EPS8: variants seen among roughly 807,000 people sequenced by gnomAD.
EPS8 encodes the protein EGFR pathway substrate 8, signaling adaptor, also known as epidermal growth factor receptor kinase substrate 8.
EPS8 carries 42 observed loss-of-function variants against 103.8 expected under a neutral mutation model. The observed-to-expected ratio is 0.40, with a 90% CI of 0.32 to 0.52. The LOEUF is 0.52. Among genes scored for constraint, EPS8 ranks in the 20% least tolerant of loss-of-function variants. The pLI is 0.40. For missense variants in EPS8, 969 were observed against 1,005.1 expected (o/e 0.96, Z 0.49); for synonymous variants, 344 against 344.6 (o/e 1.00, Z 0.02).
rs913295966 is a variant in EPS8 at position 15,700,145 on chromosome 12, A to G, written c.-21-17173T>C. Among the ~76,000 whole-genome samples, 5 of 152,054 alleles carry G rather than the reference A, an allele frequency of 3.3e-5. No individual in the cohort carries two copies. Among genetic ancestry groups the G allele is most frequent in the African/African-American group, 1.2e-4 (5 of 41,392 alleles). On this transcript the variant is annotated intron_variant, in intron 1 of 20. Transcript: ENST00000281172. This position sits in a 1 kb window ranked among gnomAD's most constrained non-coding sequence, Gnocchi z 5.1. ...ACTGCAGCCTGGGGGACAGAATGAG[A>G]CTCCATCTCAAAAACAACAACAACA...
intron 12 of EPS8, among the ~76,000 whole-genome samples, chr12:15,655,077 A>G (rs1235412044): frequency 2.6e-5 from 4 of 152,134 alleles, no homozygotes; most frequent in African/African-American, 9.7e-5. Flanking sequence ...ACAAGAAGAT[A>G]GGAGATTTTT....
Position 15,704,925 on chromosome 12 carries a change from A to G in EPS8, c.-21-21953T>C, listed in dbSNP as rs117594372. 6.6e-6 allele frequency among the ~76,000 whole-genome samples: 1 copy of G among 152,134 alleles called. No homozygotes were observed. The highest frequency in any genetic ancestry group is 1.5e-5 in the Non-Finnish European group (1 of 68,024). On this transcript the variant is annotated intron_variant, in intron 1 of 20. Transcript: ENST00000281172. This position sits in a 1 kb window ranked among gnomAD's most constrained non-coding sequence, Gnocchi z 4.6. ...GCGTGCGCATGCACACACACACACA[A>G]AAAACTGTCCTTAAAATCCTGTGTG... is the stretch of plus-strand genomic sequence containing the variant.
At chr12:15,670,190 C>T (rs1247507877) in intron 4 of EPS8, among the ~76,000 whole-genome samples, 1 of 152,098 alleles carries the variant, frequency 6.6e-6, no homozygotes, top group African/African-American at 2.4e-5. Context: ...AACATAGCAG[C>T]ATTTAAACAG....
At chr12:15,711,014 C>A (rs1177145082) in intron 1 of EPS8, among the ~76,000 whole-genome samples, 1 of 151,510 alleles carries the variant, frequency 6.6e-6, no homozygotes, top group Non-Finnish European at 1.5e-5. Context: ...GGACTACAGG[C>A]ATGCACCACC....
In EPS8 at chr12:15,779,851, A is replaced by T. The variant is rs1295427359; in HGVS notation, c.-22+9310T>A. On this transcript the variant is annotated intron_variant, in intron 1 of 20. Coordinates refer to ENST00000281172, the MANE Select transcript of EPS8 (RefSeq NM_004447.6). The surrounding 1 kb of genome is among the most constrained non-coding windows in gnomAD (Gnocchi z 4.3). Reference sequence around the variant, plus strand: ...GTTATTTTTTAGTACATTCCTAAATAGTATGTTTCAGGTTCTGTTCAGAAA... The same window carrying T: ...GTTATTTTTTAGTACATTCCTAAATTGTATGTTTCAGGTTCTGTTCAGAAA... 6.6e-6 allele frequency among the ~76,000 whole-genome samples: 1 copy of T among 152,196 alleles called. No individual in the cohort carries two copies. Among genetic ancestry groups the T allele is most frequent in the Non-Finnish European group, 1.5e-5 (1 of 68,028 alleles).
At chr12:15,740,838 A>T (rs1265232494) in intron 1 of EPS8, among the ~76,000 whole-genome samples, 1 of 152,240 alleles carries the variant, frequency 6.6e-6, no homozygotes, top group Non-Finnish European at 1.5e-5. Context: ...AATTAAGAGA[A>T]ATGTGGCTAA....
At chr12:15,633,577 G>C (rs929860948) in intron 17 of EPS8, among the ~76,000 whole-genome samples, 15 of 152,122 alleles carry the variant, frequency 9.9e-5, no homozygotes, top group African/African-American at 3.4e-4. Context: ...CAAATGTTCT[G>C]TGCTTTATTT....
At position 15,700,131 on chromosome 12, in the gene EPS8, G is replaced by A. The variant is rs367912864; in HGVS notation, c.-21-17159C>T. Among the ~76,000 whole-genome samples the A allele has an allele frequency of 2.0e-5, 3 of 152,272 alleles. No individual in the cohort carries two copies. The East Asian group carries it at 5.8e-4, about 29-fold the overall frequency. On this transcript the variant is annotated intron_variant, in intron 1 of 20. Transcript: ENST00000281172. This position sits in a 1 kb window ranked among gnomAD's most constrained non-coding sequence, Gnocchi z 5.1. Reference sequence around the variant, plus strand: ...GATCATGCCTCTGCACTGCAGCCTGGGGGACAGAATGAGACTCCATCTCAA... The same window carrying A: ...GATCATGCCTCTGCACTGCAGCCTGAGGGACAGAATGAGACTCCATCTCAA...
intron 2 of EPS8, 48 bp downstream of exon 2, chr12:15,682,845 C>T: frequency 2.0e-6 from 2 of 1,007,160 alleles, no homozygotes; most frequent in Non-Finnish European, 3.1e-6. Flanking sequence ...TTAAAATCAC[C>T]AAATCAAATT....
At position 15,690,524 on chromosome 12, in the gene EPS8, T is replaced by C. The variant is rs1018337981; in HGVS notation, c.-21-7552A>G. 1.3e-5 allele frequency among the ~76,000 whole-genome samples: 2 copies of C among 152,222 alleles called. No individual in the cohort carries two copies. The highest frequency in any genetic ancestry group is 6.5e-5 in the Admixed American group (1 of 15,274). ...CCATAATATTCTAACATTGATTGTT[T>C]TGATAAGGGAACACAGAGGTATTAT... On this transcript the variant is annotated intron_variant, in intron 1 of 20. Coordinates refer to ENST00000281172, the MANE Select transcript of EPS8 (RefSeq NM_004447.6). The surrounding 1 kb of genome is among the most constrained non-coding windows in gnomAD (Gnocchi z 4.7).
chr12:15,660,796 G>A (rs1388996260), intron 9 of EPS8, 56 bp from the exon 10 acceptor site: 6 of 1,038,300 alleles, frequency 5.8e-6, no homozygotes, highest in Non-Finnish European at 8.6e-6. Flanking sequence ...TACCTTAGCT[G>A]TACTCTGTTA....
chr12:15,775,848 T>C (rs1186334137), intron 1 of EPS8, among the ~76,000 whole-genome samples: 1 of 152,162 alleles, frequency 6.6e-6, no homozygotes, highest in Non-Finnish European at 1.5e-5. Context: ...GAAACAAAAT[T>C]ATTTTCTATT....
rs956159964 is a variant in EPS8 at position 15,736,352 on chromosome 12, C to G, written c.-22+52809G>C. ...ATTCCAACGCCATAAGTTAACACTA[C>G]GGAAATACTGAAGAGAATTTCATTC... On this transcript the variant is annotated intron_variant, in intron 1 of 20. Coordinates refer to ENST00000281172, the MANE Select transcript of EPS8 (RefSeq NM_004447.6). The surrounding 1 kb of genome is among the most constrained non-coding windows in gnomAD (Gnocchi z 4.2). Among the ~76,000 whole-genome samples the G allele has an allele frequency of 6.6e-6, 1 of 152,078 alleles. No homozygotes were observed. The highest frequency in any genetic ancestry group is 2.4e-5 in the African/African-American group (1 of 41,412).
At chr12:15,650,062 T>A (rs1365438609) in intron 14 of EPS8, among the ~76,000 whole-genome samples, 3 of 152,200 alleles carry the variant, frequency 2.0e-5, no homozygotes, top group African/African-American at 7.2e-5. Flanking sequence ...AGAAGAGTCA[T>A]AGAAACATCA....
At chr12:15,631,368 A>G in intron 18 of EPS8, 74 bp downstream of exon 18, 1 of 1,587,708 alleles carries the variant, frequency 6.3e-7, no homozygotes, top group Non-Finnish European at 8.6e-7. Flanking sequence ...AAGTAGAATC[A>G]GCAGTAAACA....
intron 1 of EPS8, among the ~76,000 whole-genome samples, chr12:15,709,007 C>T (rs1946425652): frequency 6.6e-6 from 1 of 152,250 alleles, no homozygotes; most frequent in African/African-American, 2.4e-5. Flanking sequence ...AGCCATGCCA[C>T]ACTTGTTTAG....
intron 6 of EPS8, among the ~76,000 whole-genome samples, chr12:15,667,916 C>A (rs1014783752): frequency 1.3e-5 from 2 of 152,008 alleles, no homozygotes; most frequent in Non-Finnish European, 2.9e-5. Flanking sequence ...GTAAAGCAAG[C>A]CATTTGTTCC....
chr12:15,786,217 C>A lies in EPS8; in HGVS notation c.-22+2944G>T, dbSNP rs188354286. On this transcript the variant is annotated intron_variant, in intron 1 of 20. Coordinates refer to ENST00000281172, the MANE Select transcript of EPS8 (RefSeq NM_004447.6). Reference sequence around the variant, plus strand: ...TGACAAATCATACTGATAGTATATACCCTTGATATGAGATGAAAATGGCAC... The same window carrying A: ...TGACAAATCATACTGATAGTATATAACCTTGATATGAGATGAAAATGGCAC... Among the ~76,000 whole-genome samples, 16 of 152,066 alleles carry A rather than the reference C, an allele frequency of 1.1e-4. No individual in the cohort carries two copies. The East Asian group carries it at 2.9e-3, about 27-fold the overall frequency.
chr12:15,648,213 G>A (rs1188337948), intron 14 of EPS8, among the ~76,000 whole-genome samples: 1 of 152,198 alleles, frequency 6.6e-6, no homozygotes, highest in African/African-American at 2.4e-5. Flanking sequence ...CTCAGATTGG[G>A]AGAAAACAAA....
Sources: gnomAD v4.1 joint callset for allele counts (sites outside exome capture counted in the v4.1 genomes callset) on GRCh38, gnomAD v4.1.1 for gene constraint, Gnocchi (gnomAD v3.1) non-coding constraint, MANE v1.5 for transcripts, NCBI Gene and HGNC (gene_info 2026-07-23, HGNC 2026-07-21) for gene names.